PPP1R37: variants seen among roughly 807,000 people sequenced by gnomAD.
The protein encoded by PPP1R37 is protein phosphatase 1 regulatory subunit 37, also known as leucine rich repeat containing 68.
PPP1R37 carries 21 observed loss-of-function variants against 61.0 expected under a neutral mutation model. The ratio of observed to expected loss-of-function variants is 0.34; its 90% CI spans 0.24 to 0.50. The LOEUF (loss-of-function observed/expected upper bound fraction) is 0.50, where lower values mean the gene tolerates loss of function less well. Among genes scored for constraint, PPP1R37 ranks in the 20% least tolerant of loss-of-function variants. PPP1R37 has a pLI of 0.98. For synonymous variants in PPP1R37, 443 were observed against 433.5 expected, an observed-to-expected ratio of 1.02 and a Z score of -0.27; for missense variants, 910 against 952.7, an observed-to-expected ratio of 0.96 and a Z score of 0.59.
intron 1 of PPP1R37, among the ~76,000 whole-genome samples, chr19:45,135,828 G>A (rs1449791734): frequency 6.7e-6 from 1 of 148,294 alleles, no homozygotes; most frequent in African/African-American, 2.6e-5. Flanking sequence ...TGTCACCCAG[G>A]CTGGAGTGCA....
intron 3 of PPP1R37, 40 bp from the exon 4 acceptor site, chr19:45,140,466 C>T: frequency 6.8e-7 from 1 of 1,480,130 alleles, no homozygotes. Context: ...TGCAAAGGTG[C>T]ACTGTCTTAG....
intron 1 of PPP1R37, among the ~76,000 whole-genome samples, chr19:45,099,325 G>A (rs1238832545): frequency 6.6e-6 from 1 of 152,184 alleles, no homozygotes; most frequent in African/African-American, 2.4e-5. Context: ...CAATCTCTCT[G>A]AGCTAAAACT....
chr19:45,120,230 G>T lies in PPP1R37; in HGVS notation c.203-18284G>T, dbSNP rs1389768458. Among the ~76,000 whole-genome samples, 3 of 152,006 alleles carry T rather than the reference G, an allele frequency of 2.0e-5. No individual in the cohort carries two copies. The East Asian group carries it at 5.8e-4, about 29-fold the overall frequency. Reference sequence around the variant, plus strand: ...GACAAGGTTTCACTGTGTTAGCCAGGATGGTCTCGATCTCCTGACCTTGTG... The same window carrying T: ...GACAAGGTTTCACTGTGTTAGCCAGTATGGTCTCGATCTCCTGACCTTGTG... On this transcript the variant is annotated intron_variant, in intron 1 of 12. Coordinates refer to ENST00000221462, the MANE Select transcript of PPP1R37 (RefSeq NM_019121.2).
chr19:45,101,932 AGGTTTGCCG>A (rs1420479696), intron 1 of PPP1R37, among the ~76,000 whole-genome samples: 1 of 152,206 alleles, frequency 6.6e-6, no homozygotes, highest in Non-Finnish European at 1.5e-5. Flanking sequence ...CTCCACCAGC[AGGTTTGCCG>A]ATGCCACTGT....
At chr19:45,110,059 G>T (rs961245564) in intron 1 of PPP1R37, among the ~76,000 whole-genome samples, 1 of 152,010 alleles carries the variant, frequency 6.6e-6, no homozygotes, top group Non-Finnish European at 1.5e-5. Flanking sequence ...CTAGAATAGT[G>T]CCTGGCATAG....
At chr19:45,131,852 G>A (rs1484329079) in intron 1 of PPP1R37, among the ~76,000 whole-genome samples, 1 of 151,450 alleles carries the variant, frequency 6.6e-6, no homozygotes, top group African/African-American at 2.5e-5. Context: ...TGCTGACTAA[G>A]CCACACTGTG....
rs1968459947 is a variant in PPP1R37 at position 45,130,325 on chromosome 19, G to A, written c.203-8189G>A. 2.0e-5 allele frequency among the ~76,000 whole-genome samples: 3 copies of A among 152,146 alleles called. No homozygotes were observed. Among genetic ancestry groups the A allele is most frequent in the South Asian group, 2.1e-4 (1 of 4,824 alleles). ...CCTGAATCCATCCTGTTGCTGCTCTGCCCCTCGCCCCCAGTGGCTCCGGTC... is the reference window on the plus strand; with the variant it reads ...CCTGAATCCATCCTGTTGCTGCTCTACCCCTCGCCCCCAGTGGCTCCGGTC... On this transcript the variant is annotated intron_variant, in intron 1 of 12. Coordinates refer to ENST00000221462, the MANE Select transcript of PPP1R37 (RefSeq NM_019121.2). This position sits in a 1 kb window ranked among gnomAD's most constrained non-coding sequence, Gnocchi z 4.4.
chr19:45,103,456 C>T (rs556162391), intron 1 of PPP1R37, among the ~76,000 whole-genome samples: 48 of 152,324 alleles, frequency 3.2e-4, no homozygotes, highest in Non-Finnish European at 5.7e-4. Context: ...CCGCCGGGGT[C>T]GGACTCGTGT....
chr19:45,124,285 T>C (rs1434697463), intron 1 of PPP1R37, among the ~76,000 whole-genome samples: 1 of 151,814 alleles, frequency 6.6e-6, no homozygotes, highest in African/African-American at 2.4e-5. Context: ...CCGTGTAATG[T>C]GTAAAGGGGA....
At chr19:45,116,944 G>A (rs540763874) in intron 1 of PPP1R37, among the ~76,000 whole-genome samples, 3 of 138,302 alleles carry the variant, frequency 2.2e-5, no homozygotes, top group Admixed American at 7.5e-5. Flanking sequence ...ACAGAGTTTC[G>A]CTCTTTTTGC....
In PPP1R37 at chr19:45,093,471, C is replaced by G. The variant is rs1464975387; in HGVS notation, c.146C>G (p.Pro49Arg). 11 of 1,535,556 alleles carry G rather than the reference C, an allele frequency of 7.2e-6. No homozygotes were observed. Among genetic ancestry groups the G allele is most frequent in the Non-Finnish European group, 2.6e-6 (3 of 1,146,750 alleles). The change falls in exon 1 of 13, where the codon CCG (proline) becomes CGG (arginine). Residue 49 changes from proline (P) to arginine (R), a missense_variant. By Grantham distance (103) the Pro-to-Arg change is moderately radical (BLOSUM62 -2). This residue lies in a region of PPP1R37 where 280 missense variants were observed against 382.2 expected (regional missense o/e 0.73). Transcript: ENST00000221462. ...GCTGCAGCCAAGCGCGTCACATTCC[C>G]GTCCGACGAGGATATCGTGTCTGGA... ...LKAAAKRVTF[P>R]SDEDIVSGAV...
Position 45,141,306 on chromosome 19 carries a change from G to T in PPP1R37, c.448-16G>T, listed in dbSNP as rs1388549722. The T allele has an allele frequency of 6.5e-7, 1 of 1,531,548 alleles. No individual in the cohort carries two copies. Among genetic ancestry groups the T allele is most frequent in the African/African-American group, 1.4e-5 (1 of 72,892 alleles). 94.9% of individuals were successfully genotyped at this position (1,531,548 alleles called of 1,614,324 possible). On this transcript the variant is annotated splice_polypyrimidine_tract_variant and intron_variant, in intron 4 of 12. Transcript: ENST00000221462. Reference sequence around the variant, plus strand: ...AGCCCAGAGCTGAGGCTGAGCCCCCGAATCTCTATGCGCAGGGTGCCTCGG... The same window carrying T: ...AGCCCAGAGCTGAGGCTGAGCCCCCTAATCTCTATGCGCAGGGTGCCTCGG...
rs1425859837 is a variant in PPP1R37, at chr19:45,093,497, G to A, written c.172G>A (p.Ala58Thr). Residue 58 changes from alanine (A) to threonine (T), a missense_variant, in exon 1 of 13, where the codon GCA becomes ACA. Ala to Thr is a moderately conservative substitution (Grantham distance 58). Coordinates refer to ENST00000221462, the MANE Select transcript of PPP1R37 (RefSeq NM_019121.2). ...FPSDEDIVSGAVEPKDPWRHA... is the reference protein window; with the variant it reads ...FPSDEDIVSGTVEPKDPWRHA... The stretch of plus-strand genomic sequence containing the variant: ...GTCCGACGAGGATATCGTGTCTGGA[G>A]CAGTGGAGCCCAAAGACCCCTGGAG... 2.0e-6 allele frequency: 3 copies of A among 1,535,376 alleles called. No homozygotes were observed. The highest frequency in any genetic ancestry group is 3.3e-4 in the Middle Eastern group (2 of 6,010).
At chr19:45,115,974 CAA>C (rs35020667) in intron 1 of PPP1R37, among the ~76,000 whole-genome samples, 12 of 128,248 alleles carry the variant, frequency 9.4e-5, no homozygotes, top group Admixed American at 1.6e-4. Context: ...GACTCTGTCT[CAA>C]AAAAAAAAAA....
chr19:45,113,319 G>C (rs1311730143), intron 1 of PPP1R37, among the ~76,000 whole-genome samples: 1 of 152,244 alleles, frequency 6.6e-6, no homozygotes, highest in African/African-American at 2.4e-5. Flanking sequence ...TTCGTAACAG[G>C]AATCATAATA....
chr19:45,104,773 G>A (rs772220276), intron 1 of PPP1R37, among the ~76,000 whole-genome samples: 19 of 152,020 alleles, frequency 1.2e-4, no homozygotes, highest in Non-Finnish European at 2.1e-4. Flanking sequence ...GGCCACGACC[G>A]AGATCACCTT....
intron 11 of PPP1R37, 77 bp downstream of exon 11, chr19:45,146,126 GGA>G: frequency 1.4e-6 from 2 of 1,398,292 alleles, no homozygotes; most frequent in Non-Finnish European, 1.9e-6. Context: ...TGCCTGTTGT[GGA>G]CCTCAGTTTC....
At chr19:45,127,503 T>C (rs1254282789) in intron 1 of PPP1R37, among the ~76,000 whole-genome samples, 1 of 152,090 alleles carries the variant, frequency 6.6e-6, no homozygotes, top group African/African-American at 2.4e-5. Context: ...GGTAGGTATT[T>C]GTGTATATGA....
At chr19:45,124,180 T>G (rs1388187273) in intron 1 of PPP1R37, among the ~76,000 whole-genome samples, 3 of 151,900 alleles carry the variant, frequency 2.0e-5, no homozygotes, top group African/African-American at 7.3e-5. Context: ...GCCCAGAGGG[T>G]GGGGCCTGAC....
Sources: allele counts gnomAD v4.1 joint callset (sites outside exome capture counted in the v4.1 genomes callset), GRCh38; gene constraint gnomAD v4.1.1; regional missense constraint gnomAD v4.1.1; non-coding constraint Gnocchi (gnomAD v3.1); transcripts MANE v1.5; gene names NCBI Gene and HGNC (gene_info 2026-07-23, HGNC 2026-07-21).